Variants in STN1 observed in about 807,000 individuals in gnomAD.
STN1 encodes the protein STN1 subunit of CST complex, also known as CST complex subunit STN1.
A neutral mutation model predicts 45.5 loss-of-function variants in STN1; 29 were observed. That is an observed-to-expected ratio of 0.64 (90% confidence interval 0.47 to 0.87). The LOEUF is 0.87. STN1 is among the 40% of genes least tolerant of loss of function. The pLI is 0.00. For synonymous variants in STN1, 148 were observed against 159.0 expected, an observed-to-expected ratio of 0.93 and a Z score of 0.52; for missense variants, 376 against 441.4, an observed-to-expected ratio of 0.85 and a Z score of 1.33.
intron 7 of STN1, among the ~76,000 whole-genome samples, chr10:103,896,584 C>T (rs11191852): frequency 0.034 from 5,216 of 152,052 alleles, 128 homozygotes; most frequent in South Asian, 0.078. Context: ...AACAAGTTAC[C>T]CAAATAAAAC....
chr10:103,912,235 T>G (rs1726180744), intron 2 of STN1, among the ~76,000 whole-genome samples: 1 of 151,968 alleles, frequency 6.6e-6, no homozygotes, highest in Admixed American at 6.6e-5. Context: ...TTTTAAAATT[T>G]TTCATAGAGA....
intron 2 of STN1, among the ~76,000 whole-genome samples, chr10:103,915,889 A>C (rs1843327676): frequency 2.0e-5 from 3 of 151,994 alleles, no homozygotes. Flanking sequence ...AGGAGTGTGC[A>C]ACTAGATCCC....
rs1406480386 is a variant in STN1, at chr10:103,910,544, G to C, written c.212C>G (p.Ala71Gly). Residue 71 changes from alanine to glycine, a missense_variant, in exon 3 of 10, where the codon GCT (alanine) becomes GGT (glycine). Coordinates refer to ENST00000224950, the MANE Select transcript of STN1 (RefSeq NM_024928.5). ...GTVIGVRERDAFYSYGVDDST... is the reference protein window; with the variant it reads ...GTVIGVRERDGFYSYGVDDST... The stretch of plus-strand genomic sequence containing the variant: ...GTTCTTACCTCCATAACTGTAGAAA[G>C]CATCTCTTTCTCTCACTCCAATGAC... 16 of 1,602,674 alleles carry C rather than the reference G, an allele frequency of 1.0e-5. No homozygotes were observed. Among genetic ancestry groups the C allele is most frequent in the Non-Finnish European group, 8.5e-7 (1 of 1,169,980 alleles).
chr10:103,896,694 C>G (rs1843173217), intron 7 of STN1, among the ~76,000 whole-genome samples: 1 of 151,438 alleles, frequency 6.6e-6, no homozygotes. Context: ...AGAGTGAGAC[C>G]CTGTCTAATT....
chr10:103,892,211 A>G lies in STN1; in HGVS notation c.795T>C (p.Ser265=). ...KKDTTSKAIH[S]IFKNAIQLLQ... Reference sequence around the variant, plus strand: ...GCAGTTGTATAGCATTCTTAAATATACTATGAATTGCCTTGGAAGTGGTGT... The same window carrying G: ...GCAGTTGTATAGCATTCTTAAATATGCTATGAATTGCCTTGGAAGTGGTGT... The change falls in exon 8 of 10, where the codon AGT becomes AGC. Residue 265 remains serine (S), a synonymous_variant. Transcript: ENST00000224950. 1 of 1,606,010 alleles carries G rather than the reference A, an allele frequency of 6.2e-7. No homozygotes were observed. Among genetic ancestry groups the G allele is most frequent in the South Asian group, 1.1e-5 (1 of 88,856 alleles).
At chr10:103,907,935 C>T (rs558804356) in intron 3 of STN1, among the ~76,000 whole-genome samples, 1 of 152,152 alleles carries the variant, frequency 6.6e-6, no homozygotes, top group East Asian at 1.9e-4. Flanking sequence ...TCGAGACCAG[C>T]CTGGCCAACA....
intron 9 of STN1, among the ~76,000 whole-genome samples, chr10:103,883,602 C>T (rs746594786): frequency 6.6e-6 from 1 of 152,098 alleles, no homozygotes; most frequent in Non-Finnish European, 1.5e-5. Flanking sequence ...ACATATTCAC[C>T]TCGGAAACTG....
At chr10:103,896,855 T>G (rs185985017) in intron 7 of STN1, among the ~76,000 whole-genome samples, 1 of 152,020 alleles carries the variant, frequency 6.6e-6, no homozygotes, top group Non-Finnish European at 1.5e-5. Context: ...TTAATCTTAT[T>G]ATGCTTAATA....
At chr10:103,912,692 C>A (rs1371357355) in intron 2 of STN1, among the ~76,000 whole-genome samples, 4 of 152,342 alleles carry the variant, frequency 2.6e-5, no homozygotes, top group Admixed American at 2.6e-4. Flanking sequence ...GGCCAGGTGG[C>A]CTGAGCTCCA....
intron 7 of STN1, among the ~76,000 whole-genome samples, chr10:103,896,310 G>A (rs956489889): frequency 6.6e-6 from 1 of 152,122 alleles, no homozygotes; most frequent in Admixed American, 6.6e-5. Flanking sequence ...GAATAGGCAA[G>A]CAAACAAATA....
In STN1 at chr10:103,910,631, T is replaced by A; in HGVS notation, c.134-9A>T. 6.6e-7 allele frequency: 1 copy of A among 1,514,732 alleles called. No homozygotes were observed. Among genetic ancestry groups the A allele is most frequent in the Non-Finnish European group, 9.1e-7 (1 of 1,093,112 alleles). The allele number at this position is 1,514,732 out of a possible 1,614,324, so 93.8% of individuals were successfully genotyped here. On this transcript the variant is annotated splice_polypyrimidine_tract_variant and intron_variant, in intron 2 of 9. Coordinates refer to ENST00000224950, the MANE Select transcript of STN1 (RefSeq NM_024928.5). Reference sequence around the variant, plus strand: ...ATTGTACAAAAATACACCTAAAATTTAAAAAAAGCAAAGTCGACATAATGT... The same window carrying A: ...ATTGTACAAAAATACACCTAAAATTAAAAAAAAGCAAAGTCGACATAATGT...
chr10:103,912,632 A>G (rs139468227), intron 2 of STN1, among the ~76,000 whole-genome samples: 1 of 152,360 alleles, frequency 6.6e-6, no homozygotes, highest in Non-Finnish European at 1.5e-5. Flanking sequence ...GCCTGTGTGC[A>G]GAGCAGGGCT....
At chr10:103,907,738 G>A (rs933652464) in intron 3 of STN1, among the ~76,000 whole-genome samples, 2 of 151,900 alleles carry the variant, frequency 1.3e-5, no homozygotes, top group Admixed American at 1.3e-4. Flanking sequence ...AAATGAATAA[G>A]GACATTTTGC....
At chr10:103,903,628 G>A (rs1312590955) in intron 4 of STN1, among the ~76,000 whole-genome samples, 1 of 152,160 alleles carries the variant, frequency 6.6e-6, no homozygotes, top group African/African-American at 2.4e-5. Context: ...AGCATTCAAG[G>A]TGCCATCTTG....
chr10:103,886,730 G>GAGT (rs549315366), intron 9 of STN1, among the ~76,000 whole-genome samples: 65 of 152,292 alleles, frequency 4.3e-4, no homozygotes, highest in African/African-American at 1.4e-3. Context: ...ATTATGCACT[G>GAGT]AGTACTCTTC....
intron 2 of STN1, among the ~76,000 whole-genome samples, 180 bp downstream of exon 2, chr10:103,917,277 AAAAAG>A (rs1368833350): frequency 5.3e-5 from 8 of 151,932 alleles, no homozygotes; most frequent in African/African-American, 1.9e-4. Context: ...AAAAAAAAAA[AAAAAG>A]ATTTAGACTG....
Position 103,877,921 on chromosome 10 carries a change from G to A in STN1, c.*4763C>T, listed in dbSNP as rs1843041415. On this transcript the variant is annotated 3_prime_UTR_variant, in exon 10 of 10. Coordinates refer to ENST00000224950, the MANE Select transcript of STN1 (RefSeq NM_024928.5). Reference sequence around the variant, plus strand: ...GAGACGCTTCTTTGGGGCAACTGCTGTAGAGGCCACTAATGAGAAAGTGTA... The same window carrying A: ...GAGACGCTTCTTTGGGGCAACTGCTATAGAGGCCACTAATGAGAAAGTGTA... 6.6e-6 allele frequency: 1 copy of A among 152,250 alleles called. No homozygotes were observed. Among genetic ancestry groups the A allele is most frequent in the Non-Finnish European group, 1.5e-5 (1 of 68,044 alleles). 9.4% of individuals were successfully genotyped at this position (152,250 alleles called of 1,614,324 possible).
chr10:103,907,965 C>T (rs969443573), intron 3 of STN1, among the ~76,000 whole-genome samples: 1 of 152,030 alleles, frequency 6.6e-6, no homozygotes, highest in Admixed American at 6.6e-5. Flanking sequence ...TACAACTCTA[C>T]TAAAAATACA....
intron 9 of STN1, among the ~76,000 whole-genome samples, chr10:103,887,122 C>T (rs546081227): frequency 1.1e-3 from 165 of 152,284 alleles, no homozygotes; most frequent in African/African-American, 3.8e-3. Flanking sequence ...GAACTAAAGG[C>T]CCAGTAGGTA....
Sources: gnomAD v4.1 joint callset for allele counts (sites outside exome capture counted in the v4.1 genomes callset) on GRCh38, gnomAD v4.1.1 for gene constraint, MANE v1.5 for transcripts, NCBI Gene and HGNC (gene_info 2026-07-23, HGNC 2026-07-21) for gene names.